CDH11: variants seen among roughly 807,000 people sequenced by gnomAD.
The protein encoded by CDH11 is cadherin 11.
CDH11 carries 11 observed loss-of-function variants against 67.8 expected under a neutral mutation model. The observed-to-expected ratio is 0.16, with a 90% CI of 0.10 to 0.27. CDH11 has a LOEUF of 0.27. Ranked by LOEUF, CDH11 falls within the 10% of genes least tolerant of loss-of-function variation. The pLI is 1.00. For synonymous variants in CDH11, 419 were observed against 400.0 expected (o/e 1.05, Z -0.57); for missense variants, 847 against 1,031.2 (o/e 0.82, Z 2.45).
intron 1 of CDH11, among the ~76,000 whole-genome samples, chr16:65,085,048 T>A (rs2074672514): frequency 6.6e-6 from 1 of 152,200 alleles, no homozygotes; most frequent in Non-Finnish European, 1.5e-5. Flanking sequence ...TAGTTGGGAT[T>A]ACAGGCACCT....
intron 2 of CDH11, among the ~76,000 whole-genome samples, chr16:65,028,731 C>T (rs1309723016): frequency 6.6e-6 from 1 of 152,182 alleles, no homozygotes. Context: ...AGATGCCCAA[C>T]CCTCCATGCT....
chr16:65,116,399 G>A (rs1259349018), intron 1 of CDH11, among the ~76,000 whole-genome samples: 3 of 152,164 alleles, frequency 2.0e-5, no homozygotes, highest in Admixed American at 1.3e-4. Flanking sequence ...GTTGCCATGC[G>A]AGGTGATCAT....
At chr16:65,021,061 G>T (rs1018137141) in intron 2 of CDH11, among the ~76,000 whole-genome samples, 3 of 152,016 alleles carry the variant, frequency 2.0e-5, no homozygotes. Flanking sequence ...TCATTGGGAG[G>T]TGGGGACATT....
chr16:64,944,900 A>AG lies in CDH11; in HGVS notation c.*2702dup, dbSNP rs1277272816. The AG allele has an allele frequency of 4.6e-6, 1 of 219,158 alleles. No individual in the cohort carries two copies. The highest frequency in any genetic ancestry group is 9.1e-6 in the Non-Finnish European group (1 of 109,298). 13.6% of individuals were successfully genotyped at this position (219,158 alleles called of 1,614,324 possible). A position where few individuals can be genotyped will look rare whatever the true frequency, so the allele number is the denominator to read the frequency against. On this transcript the variant is annotated 3_prime_UTR_variant, in exon 13 of 13. Coordinates refer to ENST00000268603, the MANE Select transcript of CDH11 (RefSeq NM_001797.4). The stretch of plus-strand genomic sequence containing the variant: ...TTTCTAGGAGGGCAAATAGGTAAAT[A>AG]GGTGATTATAAGACAACAAGGTGGA...
At chr16:65,005,784 C>T (rs2073040450) in intron 2 of CDH11, among the ~76,000 whole-genome samples, 1 of 152,156 alleles carries the variant, frequency 6.6e-6, no homozygotes, top group Non-Finnish European at 1.5e-5. Context: ...GCCTGGAAGT[C>T]TCAGAAAGGA....
At chr16:64,961,404 G>T (rs1030994712) in intron 11 of CDH11, among the ~76,000 whole-genome samples, 3 of 152,116 alleles carry the variant, frequency 2.0e-5, no homozygotes, top group African/African-American at 4.8e-5. Context: ...CCCATGATCT[G>T]ATAAACCTTC....
rs532256096 is a variant in CDH11, at chr16:64,974,769, T to G, written c.1254-1729A>C. Among the ~76,000 whole-genome samples, 24 of 152,276 alleles carry G rather than the reference T, an allele frequency of 1.6e-4. No individual in the cohort carries two copies. The South Asian group carries it at 5.0e-3, about 32-fold the overall frequency. ...TAATCAAAGACTTTTTTTCCTTCCATGAAGGAGCTCACTATTTAGTTGACA... is the reference window on the plus strand; with the variant it reads ...TAATCAAAGACTTTTTTTCCTTCCAGGAAGGAGCTCACTATTTAGTTGACA... On this transcript the variant is annotated intron_variant, in intron 8 of 12. Coordinates refer to ENST00000268603, the MANE Select transcript of CDH11 (RefSeq NM_001797.4).
At chr16:65,056,027 A>G (rs2074136153) in intron 1 of CDH11, among the ~76,000 whole-genome samples, 1 of 152,204 alleles carries the variant, frequency 6.6e-6, no homozygotes, top group Non-Finnish European at 1.5e-5. Context: ...CTCACCCAGA[A>G]CAGAACCTAC....
chr16:65,087,238 T>C (rs2074716984), intron 1 of CDH11, among the ~76,000 whole-genome samples: 1 of 152,226 alleles, frequency 6.6e-6, no homozygotes, highest in South Asian at 2.1e-4. Context: ...TTTCCCTTTC[T>C]TTCTGAATCC....
At chr16:65,019,350 T>G (rs2073376902) in intron 2 of CDH11, among the ~76,000 whole-genome samples, 1 of 152,190 alleles carries the variant, frequency 6.6e-6, no homozygotes, top group Admixed American at 6.5e-5. Flanking sequence ...ATTTCAAAAA[T>G]GCAATAACTT....
At chr16:64,971,545 A>G in intron 11 of CDH11, 34 bp downstream of exon 11, 2 of 1,255,100 alleles carry the variant, frequency 1.6e-6, no homozygotes, top group Non-Finnish European at 2.3e-6. Flanking sequence ...TTCCAGTTCT[A>G]CTTCTCTGAA....
chr16:65,092,598 G>T (rs1484919466), intron 1 of CDH11, among the ~76,000 whole-genome samples: 1 of 152,108 alleles, frequency 6.6e-6, no homozygotes, highest in Non-Finnish European at 1.5e-5. Flanking sequence ...AGGAGCTGAG[G>T]AACATGGCCA....
intron 11 of CDH11, among the ~76,000 whole-genome samples, chr16:64,958,327 T>A: frequency 6.6e-6 from 1 of 152,216 alleles, no homozygotes; most frequent in Non-Finnish European, 1.5e-5. Flanking sequence ...ATTCTCCAAC[T>A]CCTTCTAATG....
chr16:64,995,912 T>TGTGGGCAAAA (rs1174492117), intron 4 of CDH11, among the ~76,000 whole-genome samples: 1 of 151,728 alleles, frequency 6.6e-6, no homozygotes, highest in East Asian at 1.9e-4. Flanking sequence ...AAAAAAACAA[T>TGTGGGCAAAA]GTGGGCAAAA....
chr16:64,948,431 C>T (rs2071253274), intron 12 of CDH11: 1 of 649,266 alleles, frequency 1.5e-6, no homozygotes, highest in South Asian at 1.9e-5. Flanking sequence ...TCTGTAGTCT[C>T]TTAGAAGTGG....
chr16:65,111,757 A>G (rs2075161758), intron 1 of CDH11, among the ~76,000 whole-genome samples: 1 of 151,374 alleles, frequency 6.6e-6, no homozygotes, highest in African/African-American at 2.4e-5. Context: ...GGGAGAGGGC[A>G]TCCTGGAAGA....
chr16:65,097,226 T>C (rs2074914418), intron 1 of CDH11, among the ~76,000 whole-genome samples: 1 of 152,196 alleles, frequency 6.6e-6, no homozygotes, highest in Non-Finnish European at 1.5e-5. Context: ...ATATACGTGT[T>C]GTAAAGAACA....
chr16:64,949,321 C>G (rs778502339), intron 12 of CDH11, among the ~76,000 whole-genome samples: 5 of 152,134 alleles, frequency 3.3e-5, no homozygotes, highest in Non-Finnish European at 7.4e-5. Flanking sequence ...TTTATCCAAG[C>G]CTCTGTCCTC....
At chr16:65,087,903 T>C (rs919225053) in intron 1 of CDH11, among the ~76,000 whole-genome samples, 1 of 152,174 alleles carries the variant, frequency 6.6e-6, no homozygotes, top group Non-Finnish European at 1.5e-5. Context: ...TTAATCATCA[T>C]GGAAGAATAT....
Sources: gnomAD v4.1 joint callset for allele counts (sites outside exome capture counted in the v4.1 genomes callset) on GRCh38, gnomAD v4.1.1 for gene constraint, MANE v1.5 for transcripts, NCBI Gene and HGNC (gene_info 2026-07-23, HGNC 2026-07-21) for gene names.